Variants in NRXN3 observed in about 807,000 individuals in gnomAD.
The protein encoded by NRXN3 is neurexin 3.
A neutral mutation model predicts 137.6 loss-of-function variants in NRXN3; 32 were observed. The observed-to-expected ratio is 0.23, with a 90% CI of 0.18 to 0.31. The LOEUF (loss-of-function observed/expected upper bound fraction) is 0.31. Ranked by LOEUF, NRXN3 falls within the 10% of genes least tolerant of loss-of-function variation. The pLI is 1.00. For synonymous variants in NRXN3, 798 were observed against 784.5 expected, an observed-to-expected ratio of 1.02 and a Z score of -0.29; for missense variants, 1,574 against 2,062.5, an observed-to-expected ratio of 0.76 and a Z score of 4.59.
intron 1 of NRXN3, among the ~76,000 whole-genome samples, chr14:78,216,248 C>G (rs1237819714): frequency 6.6e-6 from 1 of 151,790 alleles, no homozygotes; most frequent in Non-Finnish European, 1.5e-5. Flanking sequence ...GGCTAATTGT[C>G]TTTTCTTTGG....
intron 16 of NRXN3, among the ~76,000 whole-genome samples, chr14:79,578,985 A>G (rs1387567181): frequency 2.0e-5 from 3 of 152,156 alleles, no homozygotes; most frequent in Non-Finnish European, 4.4e-5. Flanking sequence ...ATTTAATAAT[A>G]TAGTAATTCT....
intron 8 of NRXN3, among the ~76,000 whole-genome samples, chr14:78,776,901 T>C (rs1158187427): frequency 6.6e-6 from 1 of 152,162 alleles, no homozygotes; most frequent in Non-Finnish European, 1.5e-5. Flanking sequence ...TCTGATTCAG[T>C]AGGTTGGGGT....
chr14:79,716,983 A>G (rs2098825876), intron 19 of NRXN3, among the ~76,000 whole-genome samples: 2 of 152,136 alleles, frequency 1.3e-5, no homozygotes, highest in African/African-American at 2.4e-5. Context: ...TCACTCTTTA[A>G]TGGCAGGGAG....
chr14:78,658,172 A>G (rs1356644230), intron 6 of NRXN3, among the ~76,000 whole-genome samples: 1 of 152,172 alleles, frequency 6.6e-6, no homozygotes, highest in Non-Finnish European at 1.5e-5. Flanking sequence ...AGTAAAACCC[A>G]AGTGAGGCTT....
intron 4 of NRXN3, among the ~76,000 whole-genome samples, chr14:78,537,749 C>T (rs1045016370): frequency 3.3e-5 from 5 of 152,138 alleles, no homozygotes; most frequent in African/African-American, 1.2e-4. Context: ...TTGGATCTAA[C>T]ATTTAAGTCT....
chr14:79,736,858 AT>A (rs2098943816), intron 19 of NRXN3, among the ~76,000 whole-genome samples: 1 of 152,222 alleles, frequency 6.6e-6, no homozygotes, highest in Admixed American at 6.5e-5. Flanking sequence ...ACAGATGTGT[AT>A]GAATAAGGCT....
At chr14:78,728,707 C>A (rs920289391) in intron 8 of NRXN3, among the ~76,000 whole-genome samples, 13 of 151,922 alleles carry the variant, frequency 8.6e-5, no homozygotes, top group Non-Finnish European at 1.6e-4. Flanking sequence ...ACCAGCCTGG[C>A]CAACATAGTG....
intron 15 of NRXN3, among the ~76,000 whole-genome samples, chr14:79,387,039 TG>T (rs1382860549): frequency 5.9e-5 from 9 of 152,082 alleles, no homozygotes; most frequent in Non-Finnish European, 1.3e-4. Flanking sequence ...GACATAGGCA[TG>T]GGCAAGGACT....
intron 10 of NRXN3, among the ~76,000 whole-genome samples, chr14:78,834,025 G>A (rs1209429505): frequency 6.6e-6 from 1 of 152,134 alleles, no homozygotes; most frequent in Non-Finnish European, 1.5e-5. Flanking sequence ...CTAGGTTACA[G>A]GTCATGCCAA....
At chr14:79,246,897 T>C (rs74953061) in intron 15 of NRXN3, among the ~76,000 whole-genome samples, 5,211 of 152,268 alleles carry the variant, frequency 0.034, 238 homozygotes, top group African/African-American at 0.11. Flanking sequence ...AAAAATTTGC[T>C]AGTGATTATT....
intron 4 of NRXN3, among the ~76,000 whole-genome samples, chr14:78,572,225 C>T (rs934663971): frequency 6.6e-6 from 1 of 152,204 alleles, no homozygotes; most frequent in Non-Finnish European, 1.5e-5. Context: ...TATCCCTTCT[C>T]TAGTTCTGTC....
chr14:78,218,975 C>G (rs2063559212), intron 1 of NRXN3, among the ~76,000 whole-genome samples: 1 of 152,198 alleles, frequency 6.6e-6, no homozygotes, highest in South Asian at 2.1e-4. Context: ...TGTATTCTCT[C>G]CGTGTCATTA....
intron 4 of NRXN3, chr14:78,614,836 C>G (rs1258386395): frequency 2.6e-6 from 1 of 388,650 alleles, no homozygotes; most frequent in East Asian, 7.3e-5. Context: ...CTCTTGTGGG[C>G]CCTTATGATG....
At chr14:78,726,154 G>C (rs1017095476) in intron 8 of NRXN3, among the ~76,000 whole-genome samples, 1 of 152,078 alleles carries the variant, frequency 6.6e-6, no homozygotes, top group African/African-American at 2.4e-5. Context: ...CACTACAACT[G>C]AAGTCCCTTT....
At chr14:78,362,598 G>A (rs1448788850) in intron 4 of NRXN3, among the ~76,000 whole-genome samples, 1 of 152,114 alleles carries the variant, frequency 6.6e-6, no homozygotes, top group East Asian at 1.9e-4. Context: ...TATAGTCATG[G>A]TGAGAAAGAT....
At position 78,243,579 on chromosome 14, in the gene NRXN3, C is replaced by A; in HGVS notation, c.486C>A (p.Thr162=). ...CTGACATACGACCTTCTGCCCTGAC[C>A]CTTGATGGAGTTCAGGCCATGCCCG... is the stretch of plus-strand genomic sequence containing the variant. ...VPTDIRPSAL[T]LDGVQAMPGF... Residue 162 remains threonine, a synonymous_variant, in exon 2 of 21, where the codon ACC becomes ACA. Coordinates refer to ENST00000335750, the MANE Select transcript of NRXN3 (RefSeq NM_001330195.2). The surrounding 1 kb of genome is among the most constrained non-coding windows in gnomAD (Gnocchi z 4.2). The A allele has an allele frequency of 1.9e-6, 3 of 1,598,418 alleles. No homozygotes were observed. The highest frequency in any genetic ancestry group is 2.5e-6 in the Non-Finnish European group (3 of 1,179,804).
intron 1 of NRXN3, among the ~76,000 whole-genome samples, chr14:78,236,182 G>T (rs751871603): frequency 7.9e-5 from 12 of 152,146 alleles, no homozygotes; most frequent in Non-Finnish European, 1.6e-4. Flanking sequence ...CTCCCTTGTT[G>T]CATTTTCACA....
At chr14:79,712,952 C>A (rs2098809826) in intron 19 of NRXN3, among the ~76,000 whole-genome samples, 1 of 152,070 alleles carries the variant, frequency 6.6e-6, no homozygotes, top group Non-Finnish European at 1.5e-5. Flanking sequence ...GAAAGGATAG[C>A]TAAAAAGTAA....
chr14:78,826,630 A>G (rs1008124616), intron 10 of NRXN3, among the ~76,000 whole-genome samples: 106 of 152,212 alleles, frequency 7.0e-4, no homozygotes, highest in Admixed American at 4.1e-3. Flanking sequence ...TTACAGATAA[A>G]GAAACTACAA....
Sources: allele counts gnomAD v4.1 joint callset (sites outside exome capture counted in the v4.1 genomes callset), GRCh38; gene constraint gnomAD v4.1.1; non-coding constraint Gnocchi (gnomAD v3.1); transcripts MANE v1.5; gene names NCBI Gene and HGNC (gene_info 2026-07-23, HGNC 2026-07-21).